The following TNR variants were observed in gnomAD, a reference collection of about 807,000 sequenced individuals.
The protein encoded by TNR is tenascin R.
A neutral mutation model predicts 150.4 loss-of-function variants in TNR; 45 were observed. The ratio of observed to expected loss-of-function variants is 0.30; its 90% CI spans 0.24 to 0.38. The LOEUF is 0.38. Ranked by LOEUF, TNR falls within the 10% of genes least tolerant of loss-of-function variation. The pLI is 1.00. For synonymous variants in TNR, 687 were observed against 678.4 expected, an observed-to-expected ratio of 1.01 and a Z score of -0.20; for missense variants, 1,544 against 1,759.1, an observed-to-expected ratio of 0.88 and a Z score of 2.19.
In TNR at chr1:175,365,865, G is replaced by C. The variant is rs759728324; in HGVS notation, c.2317+10C>G. 8 of 1,612,162 alleles carry C rather than the reference G, an allele frequency of 5.0e-6. No homozygotes were observed. The South Asian group carries it at 8.8e-5, about 18-fold the overall frequency. ...CCTGAACCTGGCTGGGATTTCTGCT[G>C]CTCTGGTACCTGTGAAAGCATCCAC... On this transcript the variant is annotated intron_variant, in intron 11 of 22. Coordinates refer to ENST00000367674, the MANE Select transcript of TNR (RefSeq NM_003285.3).
chr1:175,426,776 AT>A (rs1269722467), intron 2 of TNR, among the ~76,000 whole-genome samples: 2 of 144,726 alleles, frequency 1.4e-5, no homozygotes, highest in Non-Finnish European at 3.0e-5. Context: ...GTATAAATAT[AT>A]ATACAGGTGT....
At chr1:175,435,226 G>A (rs1655450344) in intron 2 of TNR, among the ~76,000 whole-genome samples, 1 of 152,206 alleles carries the variant, frequency 6.6e-6, no homozygotes, top group African/African-American at 2.4e-5. Flanking sequence ...AGACATGAAG[G>A]TGGCTTGAAC....
chr1:175,442,683 C>A (rs859464), intron 2 of TNR, among the ~76,000 whole-genome samples: 1 of 151,720 alleles, frequency 6.6e-6, no homozygotes, highest in Non-Finnish European at 1.5e-5. Flanking sequence ...TCTTCTCTTT[C>A]CAAGCATTAA....
chr1:175,657,776 G>C (rs567215220), intron 1 of TNR, among the ~76,000 whole-genome samples: 2 of 93,510 alleles, frequency 2.1e-5, no homozygotes, highest in East Asian at 7.1e-4. Context: ...GTTGTGGGGT[G>C]GGGGGAGGGA....
chr1:175,564,805 C>G (rs1179405013), intron 1 of TNR, among the ~76,000 whole-genome samples: 1 of 152,126 alleles, frequency 6.6e-6, no homozygotes, highest in Non-Finnish European at 1.5e-5. Flanking sequence ...TTTGATAAAG[C>G]ACTCACCTCC....
intron 1 of TNR, among the ~76,000 whole-genome samples, chr1:175,615,070 G>A (rs1000049438): frequency 6.6e-6 from 1 of 152,212 alleles, no homozygotes; most frequent in Non-Finnish European, 1.5e-5. Context: ...AAGGAAGGAA[G>A]GAAGGGAAAT....
chr1:175,331,070 T>TTTCCTTCC (rs1557867970), intron 20 of TNR, among the ~76,000 whole-genome samples: 1 of 113,838 alleles, frequency 8.8e-6, no homozygotes, highest in African/African-American at 3.7e-5. Context: ...TCTTTCTTTC[T>TTTCCTTCC]TTCTTTCCTT....
chr1:175,739,566 G>A (rs781208742), intron 1 of TNR, among the ~76,000 whole-genome samples: 3 of 152,124 alleles, frequency 2.0e-5, no homozygotes, highest in Middle Eastern at 3.4e-3. Context: ...TGATAACTCC[G>A]TTACTTCTTA....
intron 3 of TNR, among the ~76,000 whole-genome samples, chr1:175,403,977 G>A (rs859403): frequency 0.67 from 102,188 of 151,986 alleles, 34,658 homozygotes; most frequent in East Asian, 0.83. Flanking sequence ...AGAGTGGAAA[G>A]TTGGGAAGGG....
chr1:175,631,471 A>AT (rs1227991133), intron 1 of TNR, among the ~76,000 whole-genome samples: 4 of 151,598 alleles, frequency 2.6e-5, no homozygotes, highest in Admixed American at 6.6e-5. Flanking sequence ...ACATTATGAG[A>AT]TTTTTTTCTT....
rs1024560536 is a variant in TNR, at chr1:175,732,050, A to G, written c.-165+11176T>C. On this transcript the variant is annotated intron_variant, in intron 1 of 22. Coordinates refer to ENST00000367674, the MANE Select transcript of TNR (RefSeq NM_003285.3). The stretch of plus-strand genomic sequence containing the variant: ...AGGAATGTGCCTGGGCTGCCCCTGC[A>G]TTGCCCCATATCCCCACCAGCACTC... Among the ~76,000 whole-genome samples the G allele has an allele frequency of 2.0e-5, 3 of 152,260 alleles. No individual in the cohort carries two copies. The South Asian group carries it at 6.2e-4, about 32-fold the overall frequency.
At chr1:175,523,683 C>T (rs780806269) in intron 2 of TNR, among the ~76,000 whole-genome samples, 8 of 152,164 alleles carry the variant, frequency 5.3e-5, no homozygotes, top group Non-Finnish European at 1.0e-4. Flanking sequence ...TCTGTATCAC[C>T]TCTCATCTGG....
intron 2 of TNR, among the ~76,000 whole-genome samples, chr1:175,440,927 C>T (rs932005339): frequency 2.6e-5 from 4 of 152,066 alleles, no homozygotes; most frequent in African/African-American, 4.8e-5. Flanking sequence ...ATGAAGGGGG[C>T]TGGTTTTAGA....
chr1:175,440,157 A>G lies in TNR; in HGVS notation c.-63-33380T>C, dbSNP rs543432331. Among the ~76,000 whole-genome samples the G allele has an allele frequency of 2.9e-4, 44 of 152,340 alleles. No individual in the cohort carries two copies. The East Asian group carries it at 8.3e-3, about 29-fold the overall frequency. Reference sequence around the variant, plus strand: ...CCAACAATGATAGACTGGATTAAGAAAATGTGGCACATATACGCCATGGAA... The same window carrying G: ...CCAACAATGATAGACTGGATTAAGAGAATGTGGCACATATACGCCATGGAA... On this transcript the variant is annotated intron_variant, in intron 2 of 22. Transcript: ENST00000367674.
chr1:175,740,350 T>C (rs1667892875), intron 1 of TNR, among the ~76,000 whole-genome samples: 1 of 152,230 alleles, frequency 6.6e-6, no homozygotes, highest in Non-Finnish European at 1.5e-5. Flanking sequence ...TTTTGGGGTA[T>C]ACAAGTGTAC....
intron 1 of TNR, among the ~76,000 whole-genome samples, chr1:175,619,146 G>C (rs748060187): frequency 6.6e-6 from 1 of 152,084 alleles, no homozygotes; most frequent in South Asian, 2.1e-4. Flanking sequence ...CCTCTATCAC[G>C]GTCTACTCCT....
At chr1:175,606,673 C>G (rs921563694) in intron 1 of TNR, among the ~76,000 whole-genome samples, 1 of 152,080 alleles carries the variant, frequency 6.6e-6, no homozygotes, top group Non-Finnish European at 1.5e-5. Context: ...ATGCTCTGCC[C>G]AGGACCCCCC....
intron 1 of TNR, among the ~76,000 whole-genome samples, chr1:175,547,605 G>GAAAGAAAGAAAGAAAGAAAC (rs1660749355): frequency 4.6e-5 from 1 of 21,658 alleles, no homozygotes; most frequent in African/African-American, 8.3e-5. Flanking sequence ...AAGAAAGAAA[G>GAAAGAAAGAAAGAAAGAAAC]AAAGAAACAA....
At chr1:175,618,215 C>T (rs1343146007) in intron 1 of TNR, among the ~76,000 whole-genome samples, 1 of 152,212 alleles carries the variant, frequency 6.6e-6, no homozygotes, top group African/African-American at 2.4e-5. Flanking sequence ...TTATTGCCCA[C>T]TAATCAGAAG....
Sources: allele counts gnomAD v4.1 joint callset (sites outside exome capture counted in the v4.1 genomes callset), GRCh38; gene constraint gnomAD v4.1.1; transcripts MANE v1.5; gene names NCBI Gene and HGNC (gene_info 2026-07-23, HGNC 2026-07-21).